TSPEAR: variants seen among roughly 807,000 people sequenced by gnomAD.
The protein encoded by TSPEAR is thrombospondin-type laminin G domain and EAR repeat-containing protein.
TSPEAR carries 69 observed loss-of-function variants against 71.6 expected under a neutral mutation model. The ratio of observed to expected loss-of-function variants is 0.96; its 90% CI spans 0.79 to 1.18. The LOEUF (loss-of-function observed/expected upper bound fraction) is 1.18, where lower values mean the gene tolerates loss of function less well. Among genes scored for constraint, TSPEAR ranks in the 50% most tolerant of loss-of-function variants. The pLI, the probability that TSPEAR is intolerant of heterozygous loss-of-function variation, is 0.00. For synonymous variants in TSPEAR, 402 were observed against 387.2 expected, an observed-to-expected ratio of 1.04 and a Z score of -0.45; for missense variants, 971 against 894.9, an observed-to-expected ratio of 1.09 and a Z score of -1.09.
chr21:44,674,819 G>A (rs1986233125), intron 1 of TSPEAR, among the ~76,000 whole-genome samples: 1 of 140,812 alleles, frequency 7.1e-6, no homozygotes, highest in Non-Finnish European at 1.5e-5. Flanking sequence ...CTAAAAACTG[G>A]TAAACCTAGA....
intron 1 of TSPEAR, among the ~76,000 whole-genome samples, chr21:44,576,460 G>T (rs1009761841): frequency 6.8e-6 from 1 of 147,564 alleles, no homozygotes; most frequent in Admixed American, 6.7e-5. Flanking sequence ...CCCAGGGTGG[G>T]TGAGGGGGCA....
At chr21:44,534,057 G>A (rs2053033427) in intron 2 of TSPEAR, 134 bp from the exon 3 acceptor site, 2 of 666,470 alleles carry the variant, frequency 3.0e-6, no homozygotes, top group Non-Finnish European at 5.3e-6. Context: ...GGCGAGGTGA[G>A]GGGGCGCGGT....
intron 9 of TSPEAR, chr21:44,510,793 C>T (rs188697270): frequency 1.0e-4 from 16 of 152,454 alleles, no homozygotes; most frequent in Non-Finnish European, 1.9e-4. Flanking sequence ...CAGAGGAGCG[C>T]ACATGGGTGA....
At chr21:44,658,773 C>A (rs1376951849) in intron 1 of TSPEAR, among the ~76,000 whole-genome samples, 1 of 151,998 alleles carries the variant, frequency 6.6e-6, no homozygotes, top group African/African-American at 2.4e-5. Context: ...ATGAGGAAGA[C>A]AACTCTTGCG....
At chr21:44,638,841 C>A (rs448200) in intron 1 of TSPEAR, among the ~76,000 whole-genome samples, 297 of 151,656 alleles carry the variant, frequency 2.0e-3, no homozygotes, top group Middle Eastern at 3.4e-3. Context: ...GCCCCCCAGG[C>A]CTGGGGTAGA....
At chr21:44,615,577 G>GT (rs1877544382) in intron 1 of TSPEAR, among the ~76,000 whole-genome samples, 1 of 108,338 alleles carries the variant, frequency 9.2e-6, no homozygotes, top group South Asian at 2.8e-4. Flanking sequence ...AATTTATTCT[G>GT]TTTTTTTGGA....
At chr21:44,709,862 A>T (rs1988127893) in intron 1 of TSPEAR, among the ~76,000 whole-genome samples, 1 of 152,240 alleles carries the variant, frequency 6.6e-6, no homozygotes, top group Non-Finnish European at 1.5e-5. Flanking sequence ...GTCTCTTGGG[A>T]GCGTTCCAAA....
At chr21:44,659,938 T>A (rs1245538407) in intron 1 of TSPEAR, among the ~76,000 whole-genome samples, 1 of 152,132 alleles carries the variant, frequency 6.6e-6, no homozygotes, top group Non-Finnish European at 1.5e-5. Context: ...AAATGGAAAC[T>A]ATAAGAAAGG....
At chr21:44,577,044 G>T (rs1978504201) in intron 1 of TSPEAR, among the ~76,000 whole-genome samples, 1 of 152,090 alleles carries the variant, frequency 6.6e-6, no homozygotes, top group Admixed American at 6.5e-5. Flanking sequence ...AGATCTATGA[G>T]TAAAAATATA....
chr21:44,519,337 T>G (rs1473308341), intron 9 of TSPEAR: 1 of 152,410 alleles, frequency 6.6e-6, no homozygotes, highest in African/African-American at 2.4e-5. Context: ...AGCCCACCAT[T>G]TGCCTTTTGA....
Position 44,650,775 on chromosome 21 carries a change from G to A in TSPEAR, c.82+60658C>T, listed in dbSNP as rs1047839993. ...GGAGAGTCCAGGGAAATGGGGCTGG[G>A]GGCTGGGAAAGGAGTTCTGAGGGAA... On this transcript the variant is annotated intron_variant, in intron 1 of 11. Transcript: ENST00000323084. Among the ~76,000 whole-genome samples the A allele has an allele frequency of 3.9e-5, 6 of 152,222 alleles. No homozygotes were observed. The East Asian group carries it at 7.7e-4, about 20-fold the overall frequency.
chr21:44,623,193 G>C lies in TSPEAR; in HGVS notation c.83-55188C>G, dbSNP rs1326080235. ...AGCAATGCGAGACCAGCTTAACACA[G>C]TGAGGTTCTGGGTGGATATGACTTT... is the stretch of plus-strand genomic sequence containing the variant. On this transcript the variant is annotated intron_variant, in intron 1 of 11. Coordinates refer to ENST00000323084, the MANE Select transcript of TSPEAR (RefSeq NM_144991.3). The surrounding 1 kb of genome is among the most constrained non-coding windows in gnomAD (Gnocchi z 4.5). 6.6e-6 allele frequency among the ~76,000 whole-genome samples: 1 copy of C among 152,182 alleles called. No individual in the cohort carries two copies. The highest frequency in any genetic ancestry group is 1.5e-5 in the Non-Finnish European group (1 of 68,036).
At chr21:44,666,723 C>T (rs1555944861) in intron 1 of TSPEAR, 2 of 1,614,114 alleles carry the variant, frequency 1.2e-6, no homozygotes, top group Admixed American at 3.3e-5. Context: ...CACGGGCAGG[C>T]ACACGGCTGG....
intron 8 of TSPEAR, among the ~76,000 whole-genome samples, chr21:44,523,170 TCAGCCAGC>T (rs1212489936): frequency 2.1e-5 from 3 of 144,168 alleles, no homozygotes; most frequent in Admixed American, 6.7e-5. Context: ...GGTCAGTCAG[TCAGCCAGC>T]CAGCCAGCCA....
intron 2 of TSPEAR, chr21:44,550,924 G>A: frequency 6.8e-7 from 1 of 1,472,222 alleles, no homozygotes; most frequent in Non-Finnish European, 9.2e-7. Context: ...CAGGACTGCT[G>A]ACACGGGGAG....
At position 44,508,956 on chromosome 21, in the gene TSPEAR, C is replaced by T. The variant is rs367794995; in HGVS notation, c.1754+243G>A. Reference sequence around the variant, plus strand: ...TAATGGGTGTGAAGGGGCAGAACTCCGCACACAGCACCCGGCTCTGGGAAC... The same window carrying T: ...TAATGGGTGTGAAGGGGCAGAACTCTGCACACAGCACCCGGCTCTGGGAAC... On this transcript the variant is annotated intron_variant, in intron 10 of 11. Transcript: ENST00000323084. The T allele has an allele frequency of 7.7e-5, 119 of 1,538,442 alleles. 1 individual carries two copies. In the African/African-American group the frequency reaches 7.9e-4, roughly 10 times the overall value.
At chr21:44,569,932 C>T (rs373583305) in intron 1 of TSPEAR, among the ~76,000 whole-genome samples, 75 of 152,202 alleles carry the variant, frequency 4.9e-4, no homozygotes, top group South Asian at 3.1e-3. Flanking sequence ...GGATGAGACT[C>T]CACATACTGT....
intron 1 of TSPEAR, chr21:44,575,126 G>A: frequency 1.9e-6 from 2 of 1,036,178 alleles, no homozygotes. Flanking sequence ...CCTGGTGTCT[G>A]CTGTTGAGCT....
chr21:44,645,899 G>A (rs1189600472), intron 1 of TSPEAR, among the ~76,000 whole-genome samples: 7 of 151,656 alleles, frequency 4.6e-5, no homozygotes, highest in African/African-American at 1.7e-4. Flanking sequence ...CAGCACTTTG[G>A]GAGGCTGAGG....
Sources: allele counts gnomAD v4.1 joint callset (sites outside exome capture counted in the v4.1 genomes callset), GRCh38; gene constraint gnomAD v4.1.1; non-coding constraint Gnocchi (gnomAD v3.1); transcripts MANE v1.5; gene names NCBI Gene and HGNC (gene_info 2026-07-23, HGNC 2026-07-21).